The following PARP8 variants were observed in gnomAD, a reference collection of about 807,000 sequenced individuals.
PARP8 encodes protein mono-ADP-ribosyltransferase PARP8.
PARP8 carries 51 observed loss-of-function variants against 124.1 expected under a neutral mutation model. That is an observed-to-expected ratio of 0.41 (90% CI 0.33 to 0.52). The LOEUF (loss-of-function observed/expected upper bound fraction) is 0.52, where lower values mean the gene tolerates loss of function less well. Among genes scored for constraint, PARP8 ranks in the 20% least tolerant of loss-of-function variants. PARP8 has a pLI of 0.21. For synonymous variants in PARP8, 391 were observed against 361.5 expected, an observed-to-expected ratio of 1.08 and a Z score of -0.93; for missense variants, 860 against 1,018.9, an observed-to-expected ratio of 0.84 and a Z score of 2.12.
rs2149461924 is a variant in PARP8, at chr5:50,692,011, C to T, written c.146+23886C>T. Reference sequence around the variant, plus strand: ...CCAACTTCCTCTACCTTAATTCCAACCACCACCACCGTTTCTTACTTTGAC... The same window carrying T: ...CCAACTTCCTCTACCTTAATTCCAATCACCACCACCGTTTCTTACTTTGAC... On this transcript the variant is annotated intron_variant, in intron 2 of 25. Transcript: ENST00000281631. Among the ~76,000 whole-genome samples the T allele has an allele frequency of 1.3e-5, 2 of 152,296 alleles. 1 individual carries two copies. Among genetic ancestry groups the T allele is most frequent in the South Asian group, 4.1e-4 (2 of 4,832 alleles).
Position 50,728,183 on chromosome 5 carries a change from A to G in PARP8, c.147-21968A>G, listed in dbSNP as rs75200235. 7.5e-3 allele frequency among the ~76,000 whole-genome samples: 1,139 copies of G among 152,274 alleles called. 15 individuals are homozygous for G. Among genetic ancestry groups the G allele is most frequent in the African/African-American group, 0.026 (1,068 of 41,552 alleles). Reference sequence around the variant, plus strand: ...GTAAATGATGGCTTAAGTATTTCCTATCAATTCTAATGAATATTTCTAAGG... The same window carrying G: ...GTAAATGATGGCTTAAGTATTTCCTGTCAATTCTAATGAATATTTCTAAGG... On this transcript the variant is annotated intron_variant, in intron 2 of 25. Coordinates refer to ENST00000281631, the MANE Select transcript of PARP8 (RefSeq NM_024615.4).
At chr5:50,685,464 G>GAACA (rs2149451445) in intron 2 of PARP8, among the ~76,000 whole-genome samples, 1 of 152,306 alleles carries the variant, frequency 6.6e-6, no homozygotes, top group South Asian at 2.1e-4. Flanking sequence ...TCCAGAGGGG[G>GAACA]AACATCCTTT....
chr5:50,745,888 T>TC (rs1197352694), intron 2 of PARP8, among the ~76,000 whole-genome samples: 2 of 152,104 alleles, frequency 1.3e-5, no homozygotes, highest in Admixed American at 6.6e-5. Context: ...AGTGTACATT[T>TC]CCCCCCAGCT....
Position 50,843,918 on chromosome 5 carries a change from A to C in PARP8, c.*1850A>C, listed in dbSNP as rs1030695243. 1.3e-5 allele frequency: 2 copies of C among 151,808 alleles called. No individual in the cohort carries two copies. The highest frequency in any genetic ancestry group is 2.9e-5 in the Non-Finnish European group (2 of 67,836). 9.4% of individuals were successfully genotyped at this position (151,808 alleles called of 1,614,324 possible). ...CTAATATCAAGATTTGGGAGACGGGATCTTGGAACTCCACCTGTTTGACCA... is the reference window on the plus strand; with the variant it reads ...CTAATATCAAGATTTGGGAGACGGGCTCTTGGAACTCCACCTGTTTGACCA... On this transcript the variant is annotated 3_prime_UTR_variant, in exon 26 of 26. Transcript: ENST00000281631.
At chr5:50,788,389 A>C in intron 9 of PARP8, 134 bp from the exon 10 acceptor site, 1 of 659,938 alleles carries the variant, frequency 1.5e-6, no homozygotes, top group Non-Finnish European at 2.7e-6. Flanking sequence ...AGCATTGTTT[A>C]GGACTGCATG....
chr5:50,763,338 A>C (rs983106170), intron 7 of PARP8, 96 bp downstream of exon 7: 3 of 910,960 alleles, frequency 3.3e-6, no homozygotes, highest in Non-Finnish European at 5.2e-6. Context: ...TGGGGTTTTA[A>C]TTGTATTTTA....
intron 7 of PARP8, among the ~76,000 whole-genome samples, chr5:50,771,235 C>T (rs1247578914): frequency 6.6e-6 from 1 of 152,068 alleles, no homozygotes; most frequent in African/African-American, 2.4e-5. Flanking sequence ...TCTTGGCTCA[C>T]TGCAACCTCC....
chr5:50,776,779 A>G (rs1740078500), intron 7 of PARP8, among the ~76,000 whole-genome samples: 1 of 152,202 alleles, frequency 6.6e-6, no homozygotes, highest in Non-Finnish European at 1.5e-5. Context: ...TCTGAACTCT[A>G]TAAAAGTGCC....
At chr5:50,677,541 G>A (rs1256443463) in intron 2 of PARP8, among the ~76,000 whole-genome samples, 1 of 152,124 alleles carries the variant, frequency 6.6e-6, no homozygotes, top group South Asian at 2.1e-4. Context: ...TTCAGTTTCA[G>A]TTAGGTGATT....
At chr5:50,820,215 C>G (rs907658008) in intron 15 of PARP8, among the ~76,000 whole-genome samples, 1 of 152,170 alleles carries the variant, frequency 6.6e-6, no homozygotes, top group African/African-American at 2.4e-5. Context: ...CACAATACTC[C>G]TCTCTTAGAA....
chr5:50,800,938 T>G (rs1206335537), intron 14 of PARP8, among the ~76,000 whole-genome samples: 1 of 151,572 alleles, frequency 6.6e-6, no homozygotes, highest in Non-Finnish European at 1.5e-5. Flanking sequence ...TAAAATTTTT[T>G]GTAGAAATGG....
chr5:50,772,761 A>G (rs1424088053), intron 7 of PARP8, among the ~76,000 whole-genome samples: 1 of 152,130 alleles, frequency 6.6e-6, no homozygotes, highest in Non-Finnish European at 1.5e-5. Flanking sequence ...CAGTAGTGCC[A>G]TCTTGGCTCA....
intron 2 of PARP8, among the ~76,000 whole-genome samples, chr5:50,670,928 C>G (rs1749936873): frequency 1.3e-5 from 2 of 152,148 alleles, no homozygotes; most frequent in Non-Finnish European, 2.9e-5. Flanking sequence ...TGCTTGAAAA[C>G]TTGTGCTATA....
intron 14 of PARP8, among the ~76,000 whole-genome samples, chr5:50,808,069 A>G (rs1561410861): frequency 6.6e-6 from 1 of 151,926 alleles, no homozygotes; most frequent in Non-Finnish European, 1.5e-5. Context: ...TTTCCAAGTG[A>G]AATTAAGAAC....
intron 2 of PARP8, among the ~76,000 whole-genome samples, chr5:50,672,140 T>C (rs957971298): frequency 1.7e-4 from 26 of 152,216 alleles, no homozygotes; most frequent in African/African-American, 6.3e-4. Flanking sequence ...CCCTCTTTGT[T>C]AAGATATTTG....
intron 22 of PARP8, among the ~76,000 whole-genome samples, chr5:50,831,282 A>T (rs1249316867): frequency 3.3e-5 from 5 of 152,170 alleles, no homozygotes; most frequent in Non-Finnish European, 5.9e-5. Context: ...ACGCTCATAG[A>T]TTCTTTGGGT....
intron 14 of PARP8, among the ~76,000 whole-genome samples, chr5:50,813,666 G>A (rs999027672): frequency 9.9e-5 from 15 of 152,134 alleles, no homozygotes; most frequent in African/African-American, 3.6e-4. Flanking sequence ...TCCCTGTCTT[G>A]TGCCAGTTTT....
chr5:50,832,665 T>C (rs1747112457), intron 22 of PARP8, 116 bp from the exon 23 acceptor site: 1 of 968,198 alleles, frequency 1.0e-6, no homozygotes, highest in Non-Finnish European at 1.6e-6. Context: ...TTACTGTCTC[T>C]AGCCTAATGT....
chr5:50,787,843 ATATT>A (rs1192796808), intron 9 of PARP8, among the ~76,000 whole-genome samples: 2 of 150,606 alleles, frequency 1.3e-5, no homozygotes, highest in Admixed American at 6.6e-5. Flanking sequence ...ATTTAGTTAC[ATATT>A]TAGTTTAGTA....
Sources: allele counts gnomAD v4.1 joint callset (sites outside exome capture counted in the v4.1 genomes callset), GRCh38; gene constraint gnomAD v4.1.1; transcripts MANE v1.5; gene names NCBI Gene and HGNC (gene_info 2026-07-23, HGNC 2026-07-21).